Variants in GFRA1 observed in about 807,000 individuals in gnomAD.
The protein encoded by GFRA1 is GDNF family receptor alpha-1.
In GFRA1, 16 loss-of-function variants were observed where a neutral mutation model predicts 51.6. The observed-to-expected ratio is 0.31, with a 90% CI of 0.21 to 0.47. The LOEUF is 0.47. Among genes scored for constraint, GFRA1 ranks in the 20% least tolerant of loss-of-function variants. The pLI is 1.00. For synonymous variants in GFRA1, 270 were observed against 241.3 expected, an observed-to-expected ratio of 1.12 and a Z score of -1.10; for missense variants, 530 against 594.3, an observed-to-expected ratio of 0.89 and a Z score of 1.13.
intron 4 of GFRA1, among the ~76,000 whole-genome samples, chr10:116,218,542 T>C (rs1306796973): frequency 6.6e-6 from 1 of 152,130 alleles, no homozygotes; most frequent in East Asian, 1.9e-4. Flanking sequence ...AGTCCAGAGC[T>C]CCTCCAGAGT....
intron 5 of GFRA1, among the ~76,000 whole-genome samples, chr10:116,176,439 T>C (rs1233355049): frequency 1.3e-5 from 2 of 152,216 alleles, no homozygotes; most frequent in African/African-American, 4.8e-5. Flanking sequence ...GGTGCTGTCC[T>C]TGCAATGGTG....
chr10:116,272,077 C>A lies in GFRA1; in HGVS notation c.-48G>T. On this transcript the variant is annotated 5_prime_UTR_variant, in exon 2 of 11. Transcript: ENST00000355422. This position sits in a 1 kb window ranked among gnomAD's most constrained non-coding sequence, Gnocchi z 4.4. ...CCGCCCCCCCAAAAAAATCCCGAGC[C>A]GCCGCTGGGTCTTGCCGAGGGAGCT... is the stretch of plus-strand genomic sequence containing the variant. The A allele has an allele frequency of 6.7e-7, 1 of 1,489,662 alleles. No individual in the cohort carries two copies. The highest frequency in any genetic ancestry group is 1.2e-5 in the South Asian group (1 of 82,830). The allele number at this position is 1,489,662 out of a possible 1,614,324, so 92.3% of individuals were successfully genotyped here.
At position 116,061,235 on chromosome 10, in the gene GFRA1, CAA is replaced by C. The variant is rs1382222009; in HGVS notation, c.*3161_*3162del. On this transcript the variant is annotated 3_prime_UTR_variant, in exon 11 of 11. Transcript: ENST00000355422. ...CTTCTAAGACATTCTTACTACAGCACAAAAGTCTGTTAAAAAAAAAAAAAAAG... is the reference window on the plus strand; with the variant it reads ...CTTCTAAGACATTCTTACTACAGCACAAGTCTGTTAAAAAAAAAAAAAAAG... 7.9e-6 allele frequency: 1 copy of C among 126,412 alleles called. No individual in the cohort carries two copies. The highest frequency in any genetic ancestry group is 1.6e-5 in the Non-Finnish European group (1 of 63,796). 7.8% of individuals were successfully genotyped at this position (126,412 alleles called of 1,614,324 possible).
intron 5 of GFRA1, among the ~76,000 whole-genome samples, chr10:116,177,966 G>T (rs778488695): frequency 2.0e-5 from 3 of 152,196 alleles, no homozygotes; most frequent in Non-Finnish European, 4.4e-5. Context: ...AGCTAATTCT[G>T]CCATATCCAC....
At chr10:116,132,368 CA>C in intron 5 of GFRA1, among the ~76,000 whole-genome samples, 1 of 152,048 alleles carries the variant, frequency 6.6e-6, no homozygotes, top group East Asian at 1.9e-4. Context: ...GCTCATACAG[CA>C]CATTCAGATG....
At chr10:116,252,772 T>C (rs1371648000) in intron 4 of GFRA1, among the ~76,000 whole-genome samples, 1 of 152,116 alleles carries the variant, frequency 6.6e-6, no homozygotes, top group Non-Finnish European at 1.5e-5. Context: ...GGCTTCAACA[T>C]GCTGTCTCAT....
chr10:116,089,647 T>C, intron 9 of GFRA1, 94 bp downstream of exon 9: 2 of 1,036,518 alleles, frequency 1.9e-6, no homozygotes, highest in Non-Finnish European at 3.0e-6. Flanking sequence ...ATTCGTCATC[T>C]CTCTCTGCAT....
At chr10:116,090,332 G>A (rs1043769042) in intron 8 of GFRA1, among the ~76,000 whole-genome samples, 2 of 149,044 alleles carry the variant, frequency 1.3e-5, no homozygotes, top group Non-Finnish European at 3.0e-5. Flanking sequence ...ATATTAAAAG[G>A]AAACTAATTA....
intron 6 of GFRA1, among the ~76,000 whole-genome samples, chr10:116,113,197 T>TTTG (rs1957281035): frequency 6.6e-6 from 1 of 151,082 alleles, no homozygotes; most frequent in Non-Finnish European, 1.5e-5. Flanking sequence ...TTTTTTTTTT[T>TTTG]GGAAAATATA....
At chr10:116,176,743 TCCTTCCTTCCTC>T (rs1961652361) in intron 5 of GFRA1, among the ~76,000 whole-genome samples, 1 of 139,942 alleles carries the variant, frequency 7.1e-6, no homozygotes, top group African/African-American at 2.6e-5. Context: ...CTTCCTTCCT[TCCTTCCTTCCTC>T]ACAACCAGCA....
chr10:116,089,999 G>A (rs1956267398), intron 8 of GFRA1, 77 bp from the exon 9 acceptor site: 3 of 1,302,262 alleles, frequency 2.3e-6, no homozygotes, highest in African/African-American at 1.5e-5. Flanking sequence ...CAGCCAGAGA[G>A]GCACACTAGA....
chr10:116,184,139 G>T (rs1318501414), intron 5 of GFRA1, among the ~76,000 whole-genome samples: 4 of 152,182 alleles, frequency 2.6e-5, no homozygotes, highest in Non-Finnish European at 5.9e-5. Context: ...TTCATGAAAT[G>T]CATAGTAACA....
intron 5 of GFRA1, among the ~76,000 whole-genome samples, chr10:116,169,747 C>A (rs1192630008): frequency 6.6e-6 from 1 of 152,178 alleles, no homozygotes; most frequent in African/African-American, 2.4e-5. Flanking sequence ...TCTCCACATT[C>A]ACCATCCTTC....
chr10:116,079,085 G>A (rs1223594972), intron 9 of GFRA1, among the ~76,000 whole-genome samples: 1 of 152,028 alleles, frequency 6.6e-6, no homozygotes, highest in Admixed American at 6.5e-5. Context: ...CGCGCTGGAT[G>A]CGTAAAAACA....
intron 5 of GFRA1, among the ~76,000 whole-genome samples, chr10:116,187,960 G>C (rs1962885526): frequency 6.6e-6 from 1 of 152,162 alleles, no homozygotes; most frequent in Admixed American, 6.5e-5. Context: ...TGGGTGGTAA[G>C]CACTGAGTGT....
At chr10:116,167,095 G>A (rs953089421) in intron 5 of GFRA1, among the ~76,000 whole-genome samples, 7 of 151,998 alleles carry the variant, frequency 4.6e-5, no homozygotes, top group Admixed American at 1.3e-4. Context: ...CACCGTGCCC[G>A]GCCCACCACA....
At chr10:116,273,599 G>T, upstream of GFRA1, 1 of 152,598 alleles carries the variant, frequency 6.6e-6, no homozygotes, top group Non-Finnish European at 1.5e-5. Flanking sequence ...TCGCGCACAG[G>T]ACACGCAGTG....
At position 116,065,578 on chromosome 10, in the gene GFRA1, A is replaced by G. The variant is rs189945277; in HGVS notation, c.1246T>C (p.Ser416Pro). Residue 416 changes from serine to proline, a missense_variant, in exon 10 of 11, where the codon TCC becomes CCC. Physicochemically the swap from Ser to Pro is moderately conservative, Grantham distance 74. Coordinates refer to ENST00000355422, the MANE Select transcript of GFRA1 (RefSeq NM_005264.8). Reference protein sequence around the residue: ...NVSGNTHLCISNGNYEKEGLG... With the variant: ...NVSGNTHLCIPNGNYEKEGLG... ...TCCAAAAGAAACATACTTACATTGG[A>G]AATACAGAGGTGTGTATTGCCCGAC... 1.4e-5 allele frequency: 23 copies of G among 1,612,340 alleles called. No individual in the cohort carries two copies. The East Asian group carries it at 4.7e-4, about 33-fold the overall frequency.
chr10:116,114,443 C>A (rs569939703), intron 6 of GFRA1, among the ~76,000 whole-genome samples: 1 of 152,368 alleles, frequency 6.6e-6, no homozygotes, highest in South Asian at 2.1e-4. Context: ...GGTACAAAGG[C>A]TGAAAGAGGA....
Sources: allele counts gnomAD v4.1 joint callset (sites outside exome capture counted in the v4.1 genomes callset), GRCh38; gene constraint gnomAD v4.1.1; non-coding constraint Gnocchi (gnomAD v3.1); transcripts MANE v1.5; gene names NCBI Gene and HGNC (gene_info 2026-07-23, HGNC 2026-07-21).